MAP4K3: variants seen among roughly 807,000 people sequenced by gnomAD.
MAP4K3 encodes the protein mitogen-activated protein kinase kinase kinase kinase 3, also known as MAPK/ERK kinase kinase kinase 3.
In MAP4K3, 94 loss-of-function variants were observed where a neutral mutation model predicts 143.5. That is an observed-to-expected ratio of 0.65 (90% CI 0.55 to 0.78). The LOEUF (loss-of-function observed/expected upper bound fraction) is 0.78, where lower values mean the gene tolerates loss of function less well. MAP4K3 is among the 30% of genes least tolerant of loss of function. The pLI is 0.00. For synonymous variants in MAP4K3, 416 were observed against 347.2 expected (o/e 1.20, Z -2.20); for missense variants, 1,077 against 1,068.1 (o/e 1.01, Z -0.12).
At chr2:39,331,311 C>T (rs1418903576) in intron 8 of MAP4K3, among the ~76,000 whole-genome samples, 8 of 152,164 alleles carry the variant, frequency 5.3e-5, no homozygotes, top group African/African-American at 1.9e-4. Context: ...AGTAAGCGGC[C>T]AAAAACTATT....
rs66729858 is a variant in MAP4K3 at position 39,345,921 on chromosome 2, C to CAAA, written c.246-2472_246-2470dup. Among the ~76,000 whole-genome samples the CAAA allele has an allele frequency of 7.5e-3, 118 of 15,826 alleles. 8 individuals are homozygous for CAAA. The highest frequency in any genetic ancestry group is 0.012 in the African/African-American group (56 of 4,842). The allele number at this position is 15,826 out of a possible 152,430, so 10.4% of individuals were successfully genotyped here. A position where few individuals can be genotyped will look rare whatever the true frequency, so the allele number is the denominator to read the frequency against. On this transcript the variant is annotated intron_variant, in intron 3 of 33. Transcript: ENST00000263881. The stretch of plus-strand genomic sequence containing the variant: ...TGAGTGACAGAGCTAGACTCTGTCT[C>CAAA]AAAAAAAAAAAAAAAAAAAAAAAAA...
chr2:39,398,902 G>A lies in MAP4K3; in HGVS notation c.97-20779C>T, dbSNP rs529004913. On this transcript the variant is annotated intron_variant, in intron 1 of 33. Coordinates refer to ENST00000263881, the MANE Select transcript of MAP4K3 (RefSeq NM_003618.4). ...TACCAAAAAATATGAAAATTAGCCA[G>A]GTGTGGTGGTGCACACCTATAGCTC... Among the ~76,000 whole-genome samples the A allele has an allele frequency of 9.9e-4, 150 of 151,590 alleles. 1 individual carries two copies. Among genetic ancestry groups the A allele is most frequent in the African/African-American group, 3.3e-3 (138 of 41,442 alleles).
chr2:39,308,795 T>C (rs533005820), intron 14 of MAP4K3, among the ~76,000 whole-genome samples: 20 of 152,276 alleles, frequency 1.3e-4, no homozygotes, highest in African/African-American at 4.6e-4. Context: ...CATAAAGTTA[T>C]AGCAAGCCTT....
intron 33 of MAP4K3, 151 bp downstream of exon 33, chr2:39,251,678 CT>C: frequency 1.6e-6 from 1 of 625,880 alleles, no homozygotes; most frequent in Non-Finnish European, 2.7e-6. Context: ...TTTTCAAAGG[CT>C]AACTTTCTGA....
At chr2:39,430,661 G>C (rs1665256898) in intron 1 of MAP4K3, among the ~76,000 whole-genome samples, 1 of 152,078 alleles carries the variant, frequency 6.6e-6, no homozygotes, top group South Asian at 2.1e-4. Flanking sequence ...ATATGTGATA[G>C]CCTACTGCTG....
chr2:39,282,429 C>G, intron 22 of MAP4K3, 84 bp downstream of exon 22: 2 of 1,133,106 alleles, frequency 1.8e-6, no homozygotes, highest in East Asian at 2.4e-5. Flanking sequence ...AAAGTTCTTT[C>G]AAACAGACAA....
chr2:39,405,079 G>C (rs767024107), intron 1 of MAP4K3, among the ~76,000 whole-genome samples: 65 of 152,208 alleles, frequency 4.3e-4, no homozygotes, highest in Admixed American at 1.2e-3. Context: ...GCAAACATAG[G>C]CAGTAACCAG....
Position 39,337,580 on chromosome 2 carries a change from T to C in MAP4K3, c.312A>G (p.Val104=), listed in dbSNP as rs771124892. 7 of 1,607,252 alleles carry C rather than the reference T, an allele frequency of 4.4e-6. No homozygotes were observed. The highest frequency in any genetic ancestry group is 6.0e-6 in the Non-Finnish European group (7 of 1,174,324). The part of the protein sequence containing the change: ...GGGSLQDIYH[V]TGPLSELQIA... Reference sequence around the variant, plus strand: ...TTTGCAGTTCTGACAGAGGTCCAGTTACTGTAAAAGAAGACAATTAATACT... The same window carrying C: ...TTTGCAGTTCTGACAGAGGTCCAGTCACTGTAAAAGAAGACAATTAATACT... Residue 104 remains valine, a splice_region_variant and synonymous_variant, in exon 5 of 34, where the codon GTA becomes GTG. Transcript: ENST00000263881.
chr2:39,256,543 T>C (rs1002180064), intron 31 of MAP4K3, among the ~76,000 whole-genome samples: 8 of 152,342 alleles, frequency 5.3e-5, no homozygotes, highest in Non-Finnish European at 1.2e-4. Flanking sequence ...GTATTGTGTA[T>C]TACATAAATA....
chr2:39,416,724 G>C (rs1331212215), intron 1 of MAP4K3, among the ~76,000 whole-genome samples: 1 of 152,186 alleles, frequency 6.6e-6, no homozygotes, highest in Admixed American at 6.5e-5. Context: ...ATTTTTCTGA[G>C]ATCACTGAAC....
At chr2:39,327,721 A>T (rs946887262) in intron 8 of MAP4K3, among the ~76,000 whole-genome samples, 1 of 151,674 alleles carries the variant, frequency 6.6e-6, no homozygotes, top group South Asian at 2.1e-4. Context: ...AATTACTATA[A>T]GAAAAGCGAA....
intron 1 of MAP4K3, among the ~76,000 whole-genome samples, chr2:39,406,661 CTT>C (rs1667099823): frequency 6.6e-6 from 1 of 152,112 alleles, no homozygotes; most frequent in African/African-American, 2.4e-5. Context: ...GAAATCAAGA[CTT>C]TCCCAGACAA....
chr2:39,311,505 A>T (rs573393530), intron 13 of MAP4K3, among the ~76,000 whole-genome samples: 1 of 152,308 alleles, frequency 6.6e-6, no homozygotes, highest in South Asian at 2.1e-4. Flanking sequence ...TCCACATTGG[A>T]TCAGCGTTGG....
chr2:39,403,019 C>G (rs1032852375), intron 1 of MAP4K3, among the ~76,000 whole-genome samples: 16 of 152,080 alleles, frequency 1.1e-4, no homozygotes, highest in African/African-American at 3.6e-4. Flanking sequence ...CTAAATAGCC[C>G]TATATTTCTA....
At position 39,377,490 on chromosome 2, in the gene MAP4K3, G is replaced by A. The variant is rs533717040; in HGVS notation, c.154+576C>T. On this transcript the variant is annotated intron_variant, in intron 2 of 33. Transcript: ENST00000263881. ...AAAAATGTGGGTTTTGAGGGAAGTAGGAGGAATTCAAAGAACATAGTTGAA... is the reference window on the plus strand; with the variant it reads ...AAAAATGTGGGTTTTGAGGGAAGTAAGAGGAATTCAAAGAACATAGTTGAA... Among the ~76,000 whole-genome samples the A allele has an allele frequency of 2.0e-5, 3 of 152,098 alleles. No individual in the cohort carries two copies. The East Asian group carries it at 5.8e-4, about 29-fold the overall frequency.
At chr2:39,280,223 C>T (rs1420234432) in intron 23 of MAP4K3, 49 bp downstream of exon 23, 2 of 1,066,326 alleles carry the variant, frequency 1.9e-6, no homozygotes, top group Admixed American at 2.5e-5. Context: ...TTTCATGGCC[C>T]CAGTTTTAAA....
At chr2:39,276,665 T>C (rs936513749) in intron 24 of MAP4K3, among the ~76,000 whole-genome samples, 1 of 152,230 alleles carries the variant, frequency 6.6e-6, no homozygotes, top group African/African-American at 2.4e-5. Context: ...ATAATATATG[T>C]CAAGCATTTA....
intron 1 of MAP4K3, among the ~76,000 whole-genome samples, chr2:39,425,575 T>C (rs1665042523): frequency 6.6e-6 from 1 of 152,140 alleles, no homozygotes; most frequent in Non-Finnish European, 1.5e-5. Flanking sequence ...CCTCTCTCTC[T>C]GTAAGAAGGC....
At chr2:39,311,536 G>C (rs906935927) in intron 13 of MAP4K3, among the ~76,000 whole-genome samples, 6 of 152,220 alleles carry the variant, frequency 3.9e-5, no homozygotes, top group African/African-American at 1.2e-4. Flanking sequence ...CAAAAGACCA[G>C]AGCAGAAGTT....
Sources: allele counts gnomAD v4.1 joint callset (sites outside exome capture counted in the v4.1 genomes callset), GRCh38; gene constraint gnomAD v4.1.1; transcripts MANE v1.5; gene names NCBI Gene and HGNC (gene_info 2026-07-23, HGNC 2026-07-21).